Variants in SHQ1 observed in about 807,000 individuals in gnomAD.
SHQ1 encodes the protein protein SHQ1 homolog.
Under a neutral mutation model 53.8 loss-of-function variants are expected in SHQ1, and 49 were observed. That is an observed-to-expected ratio of 0.91 (90% CI 0.72 to 1.16). SHQ1 has a LOEUF of 1.16. SHQ1 is among the 50% of genes most tolerant of loss of function. SHQ1 has a pLI of 0.00. For missense variants in SHQ1, 738 were observed against 683.1 expected (o/e 1.08, Z -0.90); for synonymous variants, 243 against 251.0 (o/e 0.97, Z 0.30).
At chr3:72,730,572 G>A in the SHQ1 span, among the ~76,000 whole-genome samples, 447 of 152,236 alleles carry the variant, frequency 2.9e-3, 6 homozygotes, top group African/African-American at 0.01. Flanking sequence ...TTGGTTCTTG[G>A]GGAACTCTTT....
chr3:72,758,867 A>G (rs1489065882), intron 10 of SHQ1, among the ~76,000 whole-genome samples: 1 of 152,148 alleles, frequency 6.6e-6, no homozygotes, highest in Non-Finnish European at 1.5e-5. Context: ...GCACCTGGCC[A>G]AGGCTACTAT....
At chr3:72,816,555 G>A (rs778086076) in intron 7 of SHQ1, among the ~76,000 whole-genome samples, 84 of 152,184 alleles carry the variant, frequency 5.5e-4, no homozygotes, top group Non-Finnish European at 1.1e-3. Context: ...CAATGGTACA[G>A]GTGAAAAGGA....
chr3:72,774,349 C>CA, intron 10 of SHQ1, among the ~76,000 whole-genome samples: 1 of 152,070 alleles, frequency 6.6e-6, no homozygotes, highest in South Asian at 2.1e-4. Context: ...ATCCAATGCA[C>CA]AGACATGCAA....
chr3:72,830,423 T>A (rs1409383475), intron 5 of SHQ1, among the ~76,000 whole-genome samples: 1 of 152,086 alleles, frequency 6.6e-6, no homozygotes, highest in African/African-American at 2.4e-5. Flanking sequence ...CATGTGTATA[T>A]CACAATGTAT....
chr3:72,753,197 CTA>C, intron 10 of SHQ1: 2 of 985,354 alleles, frequency 2.0e-6, no homozygotes, highest in Non-Finnish European at 2.4e-6. Flanking sequence ...GACATGGTTT[CTA>C]TGTTTCCCTG....
chr3:72,742,765 C>T, the SHQ1 span, among the ~76,000 whole-genome samples: 1 of 152,044 alleles, frequency 6.6e-6, no homozygotes, highest in Admixed American at 6.6e-5. Flanking sequence ...GCTGGGACTA[C>T]AGGCATGCAC....
At chr3:72,788,488 G>A (rs950138184) in intron 10 of SHQ1, among the ~76,000 whole-genome samples, 2 of 151,054 alleles carry the variant, frequency 1.3e-5, no homozygotes, top group East Asian at 3.9e-4. Context: ...CAGCCGCCGC[G>A]TCCGGGAGGT....
At chr3:72,737,687 T>A in the SHQ1 span, among the ~76,000 whole-genome samples, 4 of 152,226 alleles carry the variant, frequency 2.6e-5, no homozygotes, top group African/African-American at 9.6e-5. Flanking sequence ...ATGGAAATAG[T>A]TGTTACACGG....
chr3:72,752,222 C>CAT (rs1167876724), intron 10 of SHQ1, among the ~76,000 whole-genome samples: 2 of 152,060 alleles, frequency 1.3e-5, no homozygotes, highest in African/African-American at 4.8e-5. Context: ...GTATATGCTA[C>CAT]ATATATATAA....
chr3:72,758,094 A>G (rs1705535712), intron 10 of SHQ1, among the ~76,000 whole-genome samples: 1 of 152,232 alleles, frequency 6.6e-6, no homozygotes, highest in Non-Finnish European at 1.5e-5. Flanking sequence ...AGCCTGATCT[A>G]AAGGTAATGC....
chr3:72,764,540 C>T (rs1705680813), intron 10 of SHQ1, among the ~76,000 whole-genome samples: 3 of 152,140 alleles, frequency 2.0e-5, no homozygotes, highest in South Asian at 4.1e-4. Flanking sequence ...AAATGACAGC[C>T]CCTAGACTAT....
the SHQ1 span, among the ~76,000 whole-genome samples, chr3:72,734,531 C>T: frequency 6.6e-6 from 1 of 151,526 alleles, no homozygotes; most frequent in African/African-American, 2.4e-5. Context: ...GCTGGGATTG[C>T]AGGCGTGAGC....
chr3:72,766,154 C>T (rs1705723870), intron 10 of SHQ1, among the ~76,000 whole-genome samples: 1 of 152,106 alleles, frequency 6.6e-6, no homozygotes, highest in African/African-American at 2.4e-5. Context: ...ACAGCCTAAA[C>T]TGTGGGACCT....
chr3:72,789,245 T>C (rs1386180965), intron 10 of SHQ1, among the ~76,000 whole-genome samples: 4 of 152,198 alleles, frequency 2.6e-5, no homozygotes. Flanking sequence ...TGGAATGTAT[T>C]ACAGTTCATT....
At chr3:72,758,019 A>C (rs920497239) in intron 10 of SHQ1, among the ~76,000 whole-genome samples, 83 of 152,332 alleles carry the variant, frequency 5.4e-4, no homozygotes, top group African/African-American at 2.0e-3. Context: ...ACATATCATA[A>C]TTCCTCTCTA....
At chr3:72,824,787 C>CTTTTTTTTTTTTTT (rs36082106) in intron 5 of SHQ1, among the ~76,000 whole-genome samples, 1 of 142,766 alleles carries the variant, frequency 7.0e-6, no homozygotes, top group African/African-American at 2.6e-5. Context: ...TTGCTGATCT[C>CTTTTTTTTTTTTTT]TTTTTTTTTT....
intron 10 of SHQ1, among the ~76,000 whole-genome samples, chr3:72,777,824 G>A (rs1705988007): frequency 6.6e-6 from 1 of 152,144 alleles, no homozygotes; most frequent in African/African-American, 2.4e-5. Flanking sequence ...CAGAATAACA[G>A]ACAGACAAAC....
intron 1 of SHQ1, among the ~76,000 whole-genome samples, chr3:72,844,659 C>A (rs1411605548): frequency 6.6e-6 from 1 of 152,104 alleles, no homozygotes; most frequent in Non-Finnish European, 1.5e-5. Context: ...AAAATAGATA[C>A]TGAAAAAGAA....
intron 5 of SHQ1, among the ~76,000 whole-genome samples, chr3:72,829,185 G>GA (rs765743337): frequency 4.6e-5 from 7 of 152,172 alleles, no homozygotes; most frequent in Admixed American, 6.5e-5. Flanking sequence ...AATCAAGTTA[G>GA]AAAATTCACA....
Sources: gnomAD v4.1 joint callset for allele counts (sites outside exome capture counted in the v4.1 genomes callset) on GRCh38, gnomAD v4.1.1 for gene constraint, MANE v1.5 for transcripts, NCBI Gene and HGNC (gene_info 2026-07-23, HGNC 2026-07-21) for gene names.